HHAT: variants seen among roughly 807,000 people sequenced by gnomAD.
The protein encoded by HHAT is protein-cysteine N-palmitoyltransferase HHAT.
Under a neutral mutation model 70.8 loss-of-function variants are expected in HHAT, and 47 were observed. The observed-to-expected ratio is 0.66, with a 90% confidence interval of 0.53 to 0.85. HHAT has a LOEUF of 0.85. Ranked by LOEUF, HHAT falls within the 40% of genes least tolerant of loss-of-function variation. The pLI is 0.00. For missense variants in HHAT, 609 were observed against 604.8 expected (o/e 1.01, Z -0.07); for synonymous variants, 228 against 247.6 (o/e 0.92, Z 0.74).
At chr1:210,563,803 G>C (rs2095645101) in intron 9 of HHAT, among the ~76,000 whole-genome samples, 1 of 152,128 alleles carries the variant, frequency 6.6e-6, no homozygotes, top group Non-Finnish European at 1.5e-5. Flanking sequence ...CCTCACTTCA[G>C]CTCTTTTCTC....
In HHAT at chr1:210,601,214, A is replaced by G. The variant is rs143409635; in HGVS notation, c.1245+13115A>G. Among the ~76,000 whole-genome samples, 7 of 152,354 alleles carry G rather than the reference A, an allele frequency of 4.6e-5. No homozygotes were observed. In the East Asian group the frequency reaches 1.4e-3, roughly 29 times the overall value. On this transcript the variant is annotated intron_variant, in intron 10 of 11. Transcript: ENST00000261458. ...GGTTTAAGAAATCAACCAATTTAAA[A>G]GTATTGTTGATTGTAAATTGATCAA...
chr1:210,603,263 A>G (rs180691012), intron 10 of HHAT, among the ~76,000 whole-genome samples: 16 of 151,964 alleles, frequency 1.1e-4, no homozygotes, highest in Non-Finnish European at 1.8e-4. Context: ...TGAGCCAAAG[A>G]TGAGATCCAT....
At chr1:210,574,576 C>T (rs1286359201) in intron 9 of HHAT, among the ~76,000 whole-genome samples, 1 of 152,168 alleles carries the variant, frequency 6.6e-6, no homozygotes, top group Non-Finnish European at 1.5e-5. Flanking sequence ...TTTATATTAC[C>T]CTTGTCATCT....
intron 4 of HHAT, among the ~76,000 whole-genome samples, chr1:210,393,534 A>C (rs987947639): frequency 6.9e-6 from 1 of 144,002 alleles, no homozygotes; most frequent in African/African-American, 2.6e-5. Flanking sequence ...TGTAGGTCTC[A>C]CCTGCCGTTC....
At chr1:210,631,793 C>T (rs538492659) in intron 11 of HHAT, among the ~76,000 whole-genome samples, 3 of 152,226 alleles carry the variant, frequency 2.0e-5, no homozygotes, top group African/African-American at 4.8e-5. Flanking sequence ...GGGACCTTTT[C>T]CTTGCCTCAG....
intron 4 of HHAT, among the ~76,000 whole-genome samples, chr1:210,387,870 A>C (rs1035269376): frequency 1.3e-5 from 2 of 152,228 alleles, no homozygotes; most frequent in Admixed American, 6.5e-5. Context: ...ATGATCAAAA[A>C]GTTGCCTGTG....
chr1:210,421,760 A>G (rs1228422268), intron 7 of HHAT, among the ~76,000 whole-genome samples: 1 of 152,140 alleles, frequency 6.6e-6, no homozygotes, highest in Non-Finnish European at 1.5e-5. Flanking sequence ...TATAATTTCT[A>G]ATGAAATAAC....
intron 2 of HHAT, among the ~76,000 whole-genome samples, chr1:210,352,177 A>G (rs570097777): frequency 1.3e-5 from 2 of 152,162 alleles, no homozygotes; most frequent in African/African-American, 4.8e-5. Flanking sequence ...ACTTTTCTGC[A>G]CCTTAACCTG....
At chr1:210,574,047 G>T (rs1217241378) in intron 9 of HHAT, among the ~76,000 whole-genome samples, 2 of 152,220 alleles carry the variant, frequency 1.3e-5, no homozygotes, top group African/African-American at 4.8e-5. Flanking sequence ...ATTCTGTGTT[G>T]CAGATATTGA....
intron 8 of HHAT, among the ~76,000 whole-genome samples, chr1:210,467,004 G>A (rs915249058): frequency 1.5e-4 from 23 of 152,166 alleles, no homozygotes; most frequent in Admixed American, 1.2e-3. Context: ...GAATGATGTC[G>A]TTCTAAAAAG....
chr1:210,491,177 GTTCAAGCCTGA>G (rs78345396), intron 8 of HHAT, among the ~76,000 whole-genome samples: 1 of 151,646 alleles, frequency 6.6e-6, no homozygotes, highest in Non-Finnish European at 1.5e-5. Flanking sequence ...AGTCGGTGTG[GTTCAAGCCTGA>G]TTCAAGCCTC....
At chr1:210,400,769 T>C in intron 5 of HHAT, 107 bp downstream of exon 5, 1 of 1,018,858 alleles carries the variant, frequency 9.8e-7, no homozygotes, top group South Asian at 1.7e-5. Flanking sequence ...TGTAGAACTG[T>C]GATGGGGCTC....
rs770748303 is a variant in HHAT, at chr1:210,418,244, G to A, written c.775G>A (p.Glu259Lys). Reference protein sequence around the residue: ...GRLLCWWWLAELMAHLMYMHA... With the variant: ...GRLLCWWWLAKLMAHLMYMHA... ...CCTTCTTTGCTGGTGGTGGCTGGCC[G>A]AGCTGATGGCTCACCTGATGTACAT... Residue 259 changes from glutamate to lysine, a missense_variant, in exon 7 of 12, where the codon GAG (glutamate) becomes AAG (lysine). Glu to Lys is a moderately conservative substitution (Grantham distance 56). Transcript: ENST00000261458. The A allele has an allele frequency of 4.3e-6, 7 of 1,613,974 alleles. No individual in the cohort carries two copies. The highest frequency in any genetic ancestry group is 1.3e-5 in the African/African-American group (1 of 75,024).
At chr1:210,595,914 A>G (rs1392919957) in intron 10 of HHAT, among the ~76,000 whole-genome samples, 2 of 151,986 alleles carry the variant, frequency 1.3e-5, no homozygotes, top group East Asian at 1.9e-4. Context: ...CCCATTCTGT[A>G]GGTTGCCTGA....
intron 10 of HHAT, among the ~76,000 whole-genome samples, chr1:210,597,456 CATCCAGGAGCCAG>C (rs149045604): frequency 0.27 from 40,742 of 152,000 alleles, 6,882 homozygotes; most frequent in East Asian, 0.65. Flanking sequence ...CCTAAGATGC[CATCCAGGAGCCAG>C]GTCCTGGAGT....
In HHAT at chr1:210,493,740, G is replaced by A. The variant is rs188917318; in HGVS notation, c.1008-19413G>A. Among the ~76,000 whole-genome samples, 715 of 152,248 alleles carry A rather than the reference G, an allele frequency of 4.7e-3. 5 individuals are homozygous for A. Among genetic ancestry groups the A allele is most frequent in the Non-Finnish European group, 7.1e-3 (483 of 68,012 alleles). ...CCAAAATGATCTAGTGACGGGAAACGTCTCAAGGCGGCCCATTTGGTTACA... is the reference window on the plus strand; with the variant it reads ...CCAAAATGATCTAGTGACGGGAAACATCTCAAGGCGGCCCATTTGGTTACA... On this transcript the variant is annotated intron_variant, in intron 8 of 11. Transcript: ENST00000261458.
At chr1:210,484,958 T>A (rs1312864632) in intron 8 of HHAT, among the ~76,000 whole-genome samples, 2 of 152,112 alleles carry the variant, frequency 1.3e-5, no homozygotes, top group Non-Finnish European at 2.9e-5. Flanking sequence ...GTCCCTAAAG[T>A]ATCCATACAT....
chr1:210,670,628 C>A (rs987033440), intron 11 of HHAT, among the ~76,000 whole-genome samples: 2 of 152,148 alleles, frequency 1.3e-5, no homozygotes, highest in Admixed American at 6.5e-5. Flanking sequence ...ATTCTGTCAT[C>A]ACAAATCTTA....
chr1:210,557,613 A>G (rs2490217), intron 9 of HHAT, among the ~76,000 whole-genome samples: 63,784 of 151,948 alleles, frequency 0.42, 13,549 homozygotes, highest in Non-Finnish European at 0.43. Context: ...CGGGTGGTGA[A>G]AGGCACTTCT....
Sources: gnomAD v4.1 joint callset for allele counts (sites outside exome capture counted in the v4.1 genomes callset) on GRCh38, gnomAD v4.1.1 for gene constraint, MANE v1.5 for transcripts, NCBI Gene and HGNC (gene_info 2026-07-23, HGNC 2026-07-21) for gene names.